Variants in RIC8B observed in about 807,000 individuals in gnomAD.
The protein encoded by RIC8B is RIC8 guanine nucleotide exchange factor B.
A neutral mutation model predicts 57.5 loss-of-function variants in RIC8B; 16 were observed. The observed-to-expected ratio is 0.28, with a 90% CI of 0.19 to 0.42. The LOEUF (loss-of-function observed/expected upper bound fraction) is 0.42, where lower values mean the gene tolerates loss of function less well. Ranked by LOEUF, RIC8B falls within the 10% of genes least tolerant of loss-of-function variation. The pLI is 1.00. For synonymous variants in RIC8B, 216 were observed against 250.8 expected (o/e 0.86, Z 1.31); for missense variants, 481 against 677.0 (o/e 0.71, Z 3.21).
intron 9 of RIC8B, among the ~76,000 whole-genome samples, chr12:106,873,741 T>G (rs1950546221): frequency 6.6e-6 from 1 of 152,170 alleles, no homozygotes; most frequent in Admixed American, 6.5e-5. Context: ...AATGACAAAA[T>G]GAGTTCTATG....
Position 106,888,870 on chromosome 12 carries a change from C to A in RIC8B, c.*2855C>A. The A allele has an allele frequency of 6.6e-6, 1 of 152,268 alleles. No individual in the cohort carries two copies. The allele number at this position is 152,268 out of a possible 1,614,324, so 9.4% of individuals were successfully genotyped here. The stretch of plus-strand genomic sequence containing the variant: ...GCTGCTGCTACAGAGGAACAATCAC[C>A]AGATATTGTGACCCTTTCAGATGCC... On this transcript the variant is annotated 3_prime_UTR_variant, in exon 10 of 10. Transcript: ENST00000392837.
chr12:106,881,950 T>C (rs188180166), intron 9 of RIC8B, among the ~76,000 whole-genome samples: 5 of 152,316 alleles, frequency 3.3e-5, no homozygotes, highest in South Asian at 4.1e-4. Context: ...TAAGGGTGTA[T>C]TGACAAATTT....
chr12:106,860,287 C>T lies in RIC8B; in HGVS notation c.1326C>T (p.Tyr442=), dbSNP rs755703416. The T allele has an allele frequency of 1.3e-6, 2 of 1,594,844 alleles. No individual in the cohort carries two copies. The highest frequency in any genetic ancestry group is 2.3e-5 in the East Asian group (1 of 43,728). Residue 442 remains tyrosine (Y), a synonymous_variant, in exon 8 of 10, where the codon TAC becomes TAT. Transcript: ENST00000392837. ...TTGCAGTGGATAGTCTGCTGAAATA[C>T]ACTGGCTATGGGAATGCTGCAGGAC... The part of the protein sequence containing the change: ...CKERVDSLLK[Y]TGYGNAAGLL...
At chr12:106,828,920 T>C (rs990837333) in intron 4 of RIC8B, among the ~76,000 whole-genome samples, 2 of 152,206 alleles carry the variant, frequency 1.3e-5, no homozygotes, top group Non-Finnish European at 2.9e-5. Flanking sequence ...CTATGATATA[T>C]GCATGTTAGG....
intron 3 of RIC8B, among the ~76,000 whole-genome samples, chr12:106,817,248 GT>G (rs559819713): frequency 6.6e-5 from 10 of 152,218 alleles, no homozygotes; most frequent in African/African-American, 2.4e-4. Flanking sequence ...TGAAACTTCA[GT>G]TTTTTTAGGT....
chr12:106,821,210 C>G (rs568689206), intron 3 of RIC8B, among the ~76,000 whole-genome samples: 5 of 152,280 alleles, frequency 3.3e-5, no homozygotes, highest in Admixed American at 2.0e-4. Context: ...GAAAGTCACA[C>G]AGTAGAATAA....
chr12:106,832,357 C>A (rs1242393020), intron 4 of RIC8B, among the ~76,000 whole-genome samples: 1 of 152,168 alleles, frequency 6.6e-6, no homozygotes, highest in African/African-American at 2.4e-5. Flanking sequence ...CGCCTGAGGT[C>A]ATGAGTTCGA....
rs1951293208 is a variant in RIC8B, at chr12:106,888,904, C to T, written c.*2889C>T. On this transcript the variant is annotated 3_prime_UTR_variant, in exon 10 of 10. Coordinates refer to ENST00000392837, the MANE Select transcript of RIC8B (RefSeq NM_001330145.2). ...TGACCCTTTCAGATGCCCAGTAGTC[C>T]TGGGAGGCAGGCAGGGCAGGTGTTA... is the stretch of plus-strand genomic sequence containing the variant. 1.3e-5 allele frequency: 2 copies of T among 152,118 alleles called. No homozygotes were observed. The highest frequency in any genetic ancestry group is 6.5e-5 in the Admixed American group (1 of 15,270). The allele number at this position is 152,118 out of a possible 1,614,324, so 9.4% of individuals were successfully genotyped here. A position where few individuals can be genotyped will look rare whatever the true frequency, so the allele number is the denominator to read the frequency against.
At chr12:106,796,644 A>G (rs1371402145) in intron 2 of RIC8B, among the ~76,000 whole-genome samples, 1 of 152,240 alleles carries the variant, frequency 6.6e-6, no homozygotes, top group East Asian at 1.9e-4. Flanking sequence ...GTGGATTCTT[A>G]GAGATAACAC....
chr12:106,828,055 A>G (rs2046190359), intron 4 of RIC8B, among the ~76,000 whole-genome samples: 1 of 152,214 alleles, frequency 6.6e-6, no homozygotes, highest in African/African-American at 2.4e-5. Context: ...TTTTTAAAGA[A>G]GTCGTATTTA....
intron 3 of RIC8B, among the ~76,000 whole-genome samples, chr12:106,821,323 A>G (rs2045832136): frequency 1.3e-5 from 2 of 152,240 alleles, no homozygotes; most frequent in Admixed American, 1.3e-4. Context: ...ATGGAATAGA[A>G]TAAATAGAGT....
At chr12:106,840,489 C>T (rs1346187058) in intron 4 of RIC8B, among the ~76,000 whole-genome samples, 9 of 152,090 alleles carry the variant, frequency 5.9e-5, no homozygotes, top group Non-Finnish European at 1.3e-4. Flanking sequence ...CACTGACTTC[C>T]TGGTAGCTGG....
At chr12:106,865,554 C>T (rs1400767573) in intron 8 of RIC8B, among the ~76,000 whole-genome samples, 1 of 152,154 alleles carries the variant, frequency 6.6e-6, no homozygotes, top group Non-Finnish European at 1.5e-5. Flanking sequence ...TATTCACATA[C>T]ATCTGTCAGG....
chr12:106,781,595 A>G (rs1219280427), intron 1 of RIC8B, among the ~76,000 whole-genome samples: 1 of 152,202 alleles, frequency 6.6e-6, no homozygotes, highest in Non-Finnish European at 1.5e-5. Flanking sequence ...ATTAAGAGCA[A>G]CAGAATAATT....
At chr12:106,868,052 G>A (rs756398968) in intron 8 of RIC8B, among the ~76,000 whole-genome samples, 1 of 152,162 alleles carries the variant, frequency 6.6e-6, no homozygotes, top group Non-Finnish European at 1.5e-5. Flanking sequence ...GCAGCCAGGG[G>A]ACTTGAGGTT....
At position 106,886,927 on chromosome 12, in the gene RIC8B, A is replaced by G. The variant is rs1178557505; in HGVS notation, c.*912A>G. 6.6e-6 allele frequency: 1 copy of G among 152,440 alleles called. No individual in the cohort carries two copies. Among genetic ancestry groups the G allele is most frequent in the Non-Finnish European group, 1.5e-5 (1 of 67,996 alleles). 9.4% of individuals were successfully genotyped at this position (152,440 alleles called of 1,614,324 possible). A position where few individuals can be genotyped will look rare whatever the true frequency, so the allele number is the denominator to read the frequency against. ...ATAGGTCATTCATACATCACATTTT[A>G]AATTGGGGACTGTGTGTGCTGGTGT... is the stretch of plus-strand genomic sequence containing the variant. On this transcript the variant is annotated 3_prime_UTR_variant, in exon 10 of 10. Coordinates refer to ENST00000392837, the MANE Select transcript of RIC8B (RefSeq NM_001330145.2).
At chr12:106,833,724 A>T (rs2046460991) in intron 4 of RIC8B, among the ~76,000 whole-genome samples, 1 of 152,218 alleles carries the variant, frequency 6.6e-6, no homozygotes, top group Non-Finnish European at 1.5e-5. Context: ...CTGTGGGCAC[A>T]TTATATACTT....
intron 2 of RIC8B, chr12:106,798,149 CT>C (rs2044570508): frequency 3.5e-6 from 2 of 579,586 alleles, no homozygotes; most frequent in Non-Finnish European, 6.4e-6. Context: ...TATCGTAGAT[CT>C]TTTTGATGCC....
At chr12:106,815,844 T>A (rs1013398222) in intron 3 of RIC8B, among the ~76,000 whole-genome samples, 2 of 152,214 alleles carry the variant, frequency 1.3e-5, no homozygotes, top group Non-Finnish European at 2.9e-5. Flanking sequence ...CAACTAGATA[T>A]CTGTGCTCAT....
Sources: gnomAD v4.1 joint callset for allele counts (sites outside exome capture counted in the v4.1 genomes callset) on GRCh38, gnomAD v4.1.1 for gene constraint, MANE v1.5 for transcripts, NCBI Gene and HGNC (gene_info 2026-07-23, HGNC 2026-07-21) for gene names.